The following PLPPR1 variants were observed in gnomAD, a reference collection of about 807,000 sequenced individuals.
PLPPR1 encodes the protein phospholipid phosphatase-related protein type 1.
PLPPR1 carries 10 observed loss-of-function variants against 33.1 expected under a neutral mutation model. That is an observed-to-expected ratio of 0.30 (90% CI 0.19 to 0.51). PLPPR1 has a LOEUF of 0.51. PLPPR1 is among the 20% of genes least tolerant of loss of function. The pLI, the probability that PLPPR1 is intolerant of heterozygous loss-of-function variation, is 0.97. For synonymous variants in PLPPR1, 151 were observed against 151.0 expected (o/e 1.00, Z 0.00); for missense variants, 304 against 408.1 (o/e 0.74, Z 2.20).
chr9:101,241,549 G>A (rs1305676767), intron 2 of PLPPR1, among the ~76,000 whole-genome samples: 1 of 152,112 alleles, frequency 6.6e-6, no homozygotes, highest in East Asian at 1.9e-4. Context: ...GCTTGAGATA[G>A]ACCTTCACAC....
intron 1 of PLPPR1, among the ~76,000 whole-genome samples, chr9:101,165,450 G>C (rs975632926): frequency 6.6e-6 from 1 of 152,162 alleles, no homozygotes; most frequent in Admixed American, 6.5e-5. Context: ...GTAGGAGTTG[G>C]AAAAGCAAAG....
intron 1 of PLPPR1, among the ~76,000 whole-genome samples, chr9:101,113,906 G>A (rs1010072196): frequency 1.3e-5 from 2 of 152,222 alleles, no homozygotes; most frequent in African/African-American, 2.4e-5. Flanking sequence ...ACTTGGAAAG[G>A]TTAGCTGCAG....
At chr9:101,225,681 T>C (rs1827048848) in intron 2 of PLPPR1, among the ~76,000 whole-genome samples, 1 of 152,034 alleles carries the variant, frequency 6.6e-6, no homozygotes, top group Admixed American at 6.5e-5. Flanking sequence ...ACACATTGTG[T>C]TCACTCTTGG....
At chr9:101,189,877 T>C (rs1473486736) in intron 2 of PLPPR1, among the ~76,000 whole-genome samples, 2 of 151,992 alleles carry the variant, frequency 1.3e-5, no homozygotes, top group Non-Finnish European at 2.9e-5. Context: ...GATTGTCCTA[T>C]TATCTGAAAA....
chr9:101,078,797 C>G (rs1830581167), intron 1 of PLPPR1, among the ~76,000 whole-genome samples: 2 of 151,946 alleles, frequency 1.3e-5, no homozygotes, highest in African/African-American at 4.8e-5. Context: ...TGTCTCAATT[C>G]TTGTATGTTT....
intron 3 of PLPPR1, among the ~76,000 whole-genome samples, chr9:101,277,179 C>T (rs766654825): frequency 6.6e-6 from 1 of 152,188 alleles, no homozygotes; most frequent in Admixed American, 6.5e-5. Context: ...CTATTGAAGC[C>T]TCCCAGGGAG....
At chr9:101,170,846 A>G (rs1213194649) in intron 1 of PLPPR1, among the ~76,000 whole-genome samples, 1 of 152,152 alleles carries the variant, frequency 6.6e-6, no homozygotes, top group East Asian at 1.9e-4. Flanking sequence ...AGGCTGAGGT[A>G]GGAGGATGAC....
chr9:101,155,606 T>C (rs1445077161), intron 1 of PLPPR1, among the ~76,000 whole-genome samples: 6 of 104,966 alleles, frequency 5.7e-5, no homozygotes, highest in East Asian at 2.4e-4. Context: ...CTCTCTCTCT[T>C]TTTTTTTTTT....
At chr9:101,314,243 A>G (rs1450851574) in intron 6 of PLPPR1, among the ~76,000 whole-genome samples, 2 of 152,200 alleles carry the variant, frequency 1.3e-5, no homozygotes, top group Non-Finnish European at 2.9e-5. Flanking sequence ...TTGGATTGGC[A>G]TCACACATAG....
Position 101,137,557 on chromosome 9 carries a change from G to A in PLPPR1, c.-45-47893G>A, listed in dbSNP as rs76109298. ...TGTGTTGGGGTGTACAGCTTCGTGA[G>A]CAGAGAGTAGGCTGCTTTTTAGCTT... On this transcript the variant is annotated intron_variant, in intron 1 of 7. Coordinates refer to ENST00000374874, the MANE Select transcript of PLPPR1 (RefSeq NM_207299.2). Among the ~76,000 whole-genome samples, 110 of 152,304 alleles carry A rather than the reference G, an allele frequency of 7.2e-4. 1 individual carries two copies. The East Asian group carries it at 0.016, about 22-fold the overall frequency.
chr9:101,077,242 T>C lies in PLPPR1; in HGVS notation c.-46+48140T>C, dbSNP rs534641531. On this transcript the variant is annotated intron_variant, in intron 1 of 7. Transcript: ENST00000374874. ...TCCTGCTTATGCCCCTATCTCTTCT[T>C]AGGACTAGACAGGATTCCTAGGAAT... Among the ~76,000 whole-genome samples, 3 of 152,298 alleles carry C rather than the reference T, an allele frequency of 2.0e-5. No homozygotes were observed. The South Asian group carries it at 6.2e-4, about 32-fold the overall frequency.
At chr9:101,079,517 G>A (rs905916479) in intron 1 of PLPPR1, among the ~76,000 whole-genome samples, 3 of 151,326 alleles carry the variant, frequency 2.0e-5, no homozygotes, top group African/African-American at 7.3e-5. Context: ...AGGGCTTCTA[G>A]ATCAAAACTC....
intron 1 of PLPPR1, among the ~76,000 whole-genome samples, chr9:101,169,990 C>T (rs1186879917): frequency 6.6e-6 from 1 of 151,616 alleles, no homozygotes; most frequent in Non-Finnish European, 1.5e-5. Flanking sequence ...AGGATTGACC[C>T]AAGACCTAAG....
rs553872091 is a variant in PLPPR1 at position 101,296,678 on chromosome 9, C to T, written c.385+10442C>T. ...GGATGAAATTGGAAATCATCATTCT[C>T]AGTAAACTGTCGCAAGAACAAAAAA... is the stretch of plus-strand genomic sequence containing the variant. On this transcript the variant is annotated intron_variant, in intron 4 of 7. Coordinates refer to ENST00000374874, the MANE Select transcript of PLPPR1 (RefSeq NM_207299.2). Among the ~76,000 whole-genome samples the T allele has an allele frequency of 7.0e-3, 1,058 of 152,190 alleles. 7 individuals carry two copies. Among genetic ancestry groups the T allele is most frequent in the African/African-American group, 0.016 (668 of 41,528 alleles).
intron 1 of PLPPR1, among the ~76,000 whole-genome samples, chr9:101,033,798 T>A (rs59416689): frequency 2.0e-5 from 3 of 152,116 alleles, no homozygotes; most frequent in East Asian, 3.9e-4. Flanking sequence ...CAGTAGCTTG[T>A]CCATAGCTAC....
At chr9:101,148,357 G>T (rs543049291) in intron 1 of PLPPR1, among the ~76,000 whole-genome samples, 2 of 152,252 alleles carry the variant, frequency 1.3e-5, no homozygotes, top group South Asian at 2.1e-4. Context: ...CCTGCAAAAA[G>T]CTCTTAAAGA....
chr9:101,155,389 C>T (rs1420371625), intron 1 of PLPPR1, among the ~76,000 whole-genome samples: 2 of 152,118 alleles, frequency 1.3e-5, no homozygotes, highest in Non-Finnish European at 1.5e-5. Context: ...TGGTGAGAGC[C>T]TTCTTGCTGT....
At chr9:101,261,720 A>G (rs1420313398) in intron 2 of PLPPR1, among the ~76,000 whole-genome samples, 1 of 152,180 alleles carries the variant, frequency 6.6e-6, no homozygotes, top group Non-Finnish European at 1.5e-5. Flanking sequence ...GCTGGAGGCC[A>G]TTATCCTTAG....
chr9:101,187,343 T>A (rs1472577943), intron 2 of PLPPR1: 1 of 151,768 alleles, frequency 6.6e-6, no homozygotes, highest in Non-Finnish European at 1.5e-5. Flanking sequence ...TTCAGCTCTC[T>A]AATGTGTGAA....
Sources: gnomAD v4.1 joint callset for allele counts (sites outside exome capture counted in the v4.1 genomes callset) on GRCh38, gnomAD v4.1.1 for gene constraint, MANE v1.5 for transcripts, NCBI Gene and HGNC (gene_info 2026-07-23, HGNC 2026-07-21) for gene names.